PCDHA1: variants seen among roughly 807,000 people sequenced by gnomAD.
The protein encoded by PCDHA1 is protocadherin alpha 1.
In PCDHA1, 42 loss-of-function variants were observed where a neutral mutation model predicts 61.3. The ratio of observed to expected loss-of-function variants is 0.69; its 90% confidence interval spans 0.54 to 0.89. The LOEUF is 0.89. Among genes scored for constraint, PCDHA1 ranks in the 40% least tolerant of loss-of-function variants. PCDHA1 has a pLI of 0.00. For missense variants in PCDHA1, 1,256 were observed against 1,235.3 expected (o/e 1.02, Z -0.25); for synonymous variants, 610 against 553.8 (o/e 1.10, Z -1.43).
At chr5:140,998,210 A>G (rs2097801454) in intron 3 of PCDHA1, among the ~76,000 whole-genome samples, 1 of 152,218 alleles carries the variant, frequency 6.6e-6, no homozygotes, top group South Asian at 2.1e-4. Flanking sequence ...TTTAATCTGT[A>G]TAACCACACC....
At chr5:140,926,584 C>T in intron 1 of PCDHA1, 1 of 285,400 alleles carries the variant, frequency 3.5e-6, no homozygotes, top group Non-Finnish European at 6.4e-6. Context: ...GCACCTCTCG[C>T]GCCCGGGCGG....
At chr5:140,973,328 C>T (rs1315251124) in intron 1 of PCDHA1, among the ~76,000 whole-genome samples, 1 of 152,114 alleles carries the variant, frequency 6.6e-6, no homozygotes, top group Non-Finnish European at 1.5e-5. Flanking sequence ...AGTTTACACT[C>T]GTTGTAAAGT....
At chr5:140,901,405 G>A (rs1366026091) in intron 1 of PCDHA1, among the ~76,000 whole-genome samples, 1 of 152,128 alleles carries the variant, frequency 6.6e-6, no homozygotes, top group Non-Finnish European at 1.5e-5. Flanking sequence ...TGAGAGATAG[G>A]GGTCTAGTTT....
chr5:140,921,251 AG>A (rs2080121821), intron 1 of PCDHA1, among the ~76,000 whole-genome samples: 1 of 152,192 alleles, frequency 6.6e-6, no homozygotes. Context: ...CAGATCAAAA[AG>A]TCCTAGACTT....
intron 1 of PCDHA1, chr5:140,865,271 T>C (rs1554159342): frequency 6.6e-6 from 1 of 152,236 alleles, no homozygotes; most frequent in East Asian, 1.9e-4. Flanking sequence ...TCAAATTATA[T>C]GTAAAATTAC....
chr5:140,943,640 A>G (rs1288085106), intron 1 of PCDHA1, among the ~76,000 whole-genome samples: 1 of 152,224 alleles, frequency 6.6e-6, no homozygotes, highest in African/African-American at 2.4e-5. Context: ...TGGATTATGG[A>G]TAAAACCATC....
At chr5:140,820,147 A>G (rs1240842314) in intron 1 of PCDHA1, among the ~76,000 whole-genome samples, 1 of 152,006 alleles carries the variant, frequency 6.6e-6, no homozygotes, top group Non-Finnish European at 1.5e-5. Context: ...TTTCAAAATT[A>G]TCAGTATGAA....
chr5:140,968,567 G>A (rs1586307422), intron 1 of PCDHA1: 1 of 1,614,156 alleles, frequency 6.2e-7, no homozygotes, highest in East Asian at 2.2e-5. Flanking sequence ...TGCCCCTGCT[G>A]GCTACCTGGT....
At position 140,786,263 on chromosome 5, in the gene PCDHA1, A is replaced by C. The variant is rs1761293520; in HGVS notation, c.-28A>C. ...TGGCATGATTTTGAAGTAAGAGGAGAGCATAAGAAAGGTGTAGTCCTTTTG... is the reference window on the plus strand; with the variant it reads ...TGGCATGATTTTGAAGTAAGAGGAGCGCATAAGAAAGGTGTAGTCCTTTTG... On this transcript the variant is annotated 5_prime_UTR_variant, in exon 1 of 4. Coordinates refer to ENST00000504120, the MANE Select transcript of PCDHA1 (RefSeq NM_018900.4). 2.6e-6 allele frequency: 4 copies of C among 1,548,262 alleles called. No homozygotes were observed. The highest frequency in any genetic ancestry group is 2.5e-5 in the South Asian group (2 of 79,924).
In PCDHA1 at chr5:140,788,051, G is replaced by C. The variant is rs111466259; in HGVS notation, c.1761G>C (p.Ala587=). 2.5e-3 allele frequency: 4,088 copies of C among 1,613,990 alleles called. 7 individuals are homozygous for C. The highest frequency in any genetic ancestry group is 3.3e-3 in the Middle Eastern group (20 of 6,060). The change falls in exon 1 of 4, where the codon GCG becomes GCC. Residue 587 remains alanine (A), a synonymous_variant. Transcript: ENST00000504120. The part of the protein sequence containing the change: ...VSELVPRLVG[A]GHVVAKVRAV... ...AGCTGGTGCCGCGATTGGTGGGTGCGGGTCATGTGGTGGCGAAGGTGCGCG... is the reference window on the plus strand; with the variant it reads ...AGCTGGTGCCGCGATTGGTGGGTGCCGGTCATGTGGTGGCGAAGGTGCGCG...
At chr5:140,823,536 C>A (rs2150126761) in intron 1 of PCDHA1, 1 of 1,613,790 alleles carries the variant, frequency 6.2e-7, no homozygotes, top group South Asian at 1.1e-5. Flanking sequence ...TGGGTGCGGG[C>A]CACGTGGTGG....
intron 1 of PCDHA1, chr5:140,829,321 C>T (rs1770227307): frequency 6.2e-7 from 1 of 1,614,262 alleles, no homozygotes; most frequent in South Asian, 1.1e-5. Flanking sequence ...TGGTGCTGGA[C>T]AGTGCCCTGG....
chr5:141,006,296 C>G (rs2153987135), intron 3 of PCDHA1, among the ~76,000 whole-genome samples: 1 of 152,102 alleles, frequency 6.6e-6, no homozygotes, highest in East Asian at 1.9e-4. Context: ...ACTGCAAGCT[C>G]CACTTCCCGG....
chr5:140,985,572 C>G (rs2097158307), intron 3 of PCDHA1, among the ~76,000 whole-genome samples: 1 of 152,142 alleles, frequency 6.6e-6, no homozygotes, highest in Non-Finnish European at 1.5e-5. Context: ...CTTTCTGGTG[C>G]CTAAGCCTCC....
chr5:140,963,238 A>G (rs1347398946), intron 1 of PCDHA1, among the ~76,000 whole-genome samples: 1 of 152,090 alleles, frequency 6.6e-6, no homozygotes, highest in Non-Finnish European at 1.5e-5. Context: ...TGTTTGATGG[A>G]TTAGGTAGGT....
chr5:140,835,834 C>G, intron 1 of PCDHA1: 2 of 1,612,284 alleles, frequency 1.2e-6, no homozygotes, highest in Non-Finnish European at 1.7e-6. Flanking sequence ...GACGCGGACG[C>G]GCAGAAGAAC....
At chr5:140,923,753 T>C (rs1554201575) in intron 1 of PCDHA1, among the ~76,000 whole-genome samples, 1 of 152,174 alleles carries the variant, frequency 6.6e-6, no homozygotes. Flanking sequence ...AGGCATATGG[T>C]GGGACAAATC....
At chr5:140,805,015 G>A in intron 1 of PCDHA1, 1 of 1,560,672 alleles carries the variant, frequency 6.4e-7, no homozygotes, top group Non-Finnish European at 8.6e-7. Context: ...TCTGTTATCA[G>A]CTTCTTGAAT....
At chr5:140,853,515 G>A in intron 1 of PCDHA1, 1 of 976,904 alleles carries the variant, frequency 1.0e-6, no homozygotes, top group Non-Finnish European at 1.2e-6. Context: ...CAATAATGAA[G>A]CTCCTCCTAT....
Sources: allele counts gnomAD v4.1 joint callset (sites outside exome capture counted in the v4.1 genomes callset), GRCh38; gene constraint gnomAD v4.1.1; transcripts MANE v1.5; gene names NCBI Gene and HGNC (gene_info 2026-07-23, HGNC 2026-07-21).